Variants in CEP128 observed in about 807,000 individuals in gnomAD.
CEP128 encodes centrosomal protein 128kDa.
CEP128 carries 132 observed loss-of-function variants against 156.7 expected under a neutral mutation model. The observed-to-expected ratio is 0.84, with a 90% confidence interval of 0.73 to 0.97. The LOEUF is 0.97. Ranked by LOEUF, CEP128 falls within the 50% of genes least tolerant of loss-of-function variation. CEP128 has a pLI of 0.00. For missense variants in CEP128, 1,252 were observed against 1,281.9 expected (o/e 0.98, Z 0.36); for synonymous variants, 469 against 448.9 (o/e 1.04, Z -0.57).
At chr14:80,606,745 T>C (rs1178267641) in intron 19 of CEP128, among the ~76,000 whole-genome samples, 1 of 152,092 alleles carries the variant, frequency 6.6e-6, no homozygotes, top group Non-Finnish European at 1.5e-5. Flanking sequence ...TCTCAAACAA[T>C]GACCTCTTTT....
chr14:80,535,759 AAG>A (rs1412810825), intron 21 of CEP128, among the ~76,000 whole-genome samples: 1 of 152,216 alleles, frequency 6.6e-6, no homozygotes, highest in East Asian at 1.9e-4. Context: ...CCTGGCCACT[AAG>A]AGGTGTTTCA....
Position 80,617,219 on chromosome 14 carries a change from C to CTTTTTTTTTTTTTTTTTTTTTT in CEP128, c.2807-36818_2807-36797dup. ...ATCACTTAACCTATGTGAATATCAT[C>CTTTTTTTTTTTTTTTTTTTTTT]TTTTTTTTTTTTTTTTTTTTTTTTT... On this transcript the variant is annotated intron_variant, in intron 19 of 24. Coordinates refer to ENST00000555265, the MANE Select transcript of CEP128 (RefSeq NM_152446.5). 3.3e-5 allele frequency among the ~76,000 whole-genome samples: 2 copies of CTTTTTTTTTTTTTTTTTTTTTT among 60,226 alleles called. 1 individual carries two copies. Among genetic ancestry groups the CTTTTTTTTTTTTTTTTTTTTTT allele is most frequent in the African/African-American group, 1.3e-4 (2 of 15,476 alleles). 39.5% of individuals were successfully genotyped at this position (60,226 alleles called of 152,430 possible).
intron 19 of CEP128, among the ~76,000 whole-genome samples, chr14:80,678,055 T>C (rs1362217842): frequency 1.8e-5 from 1 of 55,690 alleles, no homozygotes; most frequent in Non-Finnish European, 6.5e-5. Flanking sequence ...AAAAAATATA[T>C]ATATATATGT....
chr14:80,484,330 T>C (rs982790192), intron 14 of CEP128, among the ~76,000 whole-genome samples: 2 of 152,196 alleles, frequency 1.3e-5, no homozygotes, highest in Non-Finnish European at 2.9e-5. Flanking sequence ...CTCTGGCTAC[T>C]AATTATAAAA....
At chr14:80,758,793 G>A (rs1225148375) in intron 17 of CEP128, among the ~76,000 whole-genome samples, 1 of 152,114 alleles carries the variant, frequency 6.6e-6, no homozygotes, top group East Asian at 1.9e-4. Context: ...CAAGATATTT[G>A]ACCCTATAAT....
intron 21 of CEP128, among the ~76,000 whole-genome samples, chr14:80,558,201 ATAT>A (rs1890517795): frequency 6.6e-6 from 1 of 152,046 alleles, no homozygotes; most frequent in East Asian, 1.9e-4. Context: ...TTTCCATTTA[ATAT>A]TATAAGCCTT....
chr14:80,578,429 T>C (rs894728276), intron 20 of CEP128, among the ~76,000 whole-genome samples: 27 of 152,194 alleles, frequency 1.8e-4, no homozygotes, highest in African/African-American at 6.5e-4. Context: ...GTAAATAAAA[T>C]TGACTCCAAT....
chr14:80,860,068 G>C (rs930388547), intron 9 of CEP128, among the ~76,000 whole-genome samples: 1 of 152,122 alleles, frequency 6.6e-6, no homozygotes, highest in Non-Finnish European at 1.5e-5. Context: ...GGAAAAAAAT[G>C]CATCAATTAC....
At chr14:80,947,826 C>A (rs1223223797) in intron 2 of CEP128, among the ~76,000 whole-genome samples, 1 of 152,184 alleles carries the variant, frequency 6.6e-6, no homozygotes, top group East Asian at 1.9e-4. Context: ...TGCCCGGCCT[C>A]CACTCAAGCA....
At chr14:80,778,824 C>T (rs886692248) in intron 15 of CEP128, among the ~76,000 whole-genome samples, 1 of 152,138 alleles carries the variant, frequency 6.6e-6, no homozygotes, top group Non-Finnish European at 1.5e-5. Flanking sequence ...ATAATGTAAA[C>T]ACTATGTGCC....
intron 6 of CEP128, among the ~76,000 whole-genome samples, chr14:80,900,508 C>T (rs993197708): frequency 5.3e-5 from 8 of 152,112 alleles, no homozygotes; most frequent in Non-Finnish European, 1.0e-4. Context: ...TTCTATCAGC[C>T]TATAATGCCT....
At chr14:80,822,442 A>T (rs1175195160) in intron 13 of CEP128, 2 of 490,702 alleles carry the variant, frequency 4.1e-6, no homozygotes, top group Non-Finnish European at 7.9e-6. Flanking sequence ...CAGTGTGAAG[A>T]AGAGGCGAGA....
intron 9 of CEP128, among the ~76,000 whole-genome samples, chr14:80,855,567 CA>C (rs913071747): frequency 9.4e-5 from 14 of 148,976 alleles, no homozygotes; most frequent in African/African-American, 3.0e-4. Context: ...GAGATGACTA[CA>C]AAAAAAAAGG....
intron 20 of CEP128, among the ~76,000 whole-genome samples, chr14:80,564,202 C>G (rs1265403152): frequency 6.6e-6 from 1 of 152,164 alleles, no homozygotes. Flanking sequence ...TTATGAAACA[C>G]CTAAATTGAC....
intron 21 of CEP128, among the ~76,000 whole-genome samples, chr14:80,542,225 T>G (rs1889796239): frequency 1.3e-5 from 2 of 152,212 alleles, no homozygotes; most frequent in Admixed American, 6.5e-5. Flanking sequence ...ACACTGCAAA[T>G]TCCTTAAAGG....
At chr14:80,489,416 A>G (rs985082922), downstream of CEP128, among the ~76,000 whole-genome samples, 2 of 152,052 alleles carry the variant, frequency 1.3e-5, no homozygotes, top group Admixed American at 6.6e-5. Context: ...AACACTCTCT[A>G]TGGGTTAACT....
chr14:80,743,546 G>A (rs1170153646), intron 18 of CEP128, among the ~76,000 whole-genome samples: 3 of 152,012 alleles, frequency 2.0e-5, no homozygotes, highest in African/African-American at 7.2e-5. Flanking sequence ...ATAATATTAT[G>A]GGTAATCCTC....
In CEP128 at chr14:80,905,183, C is replaced by T. The variant is rs552123899; in HGVS notation, c.362-252G>A. On this transcript the variant is annotated intron_variant, in intron 5 of 24. Transcript: ENST00000555265. ...CACTCAAAAGTTTCAATTTGTTATA[C>T]TCTCCAAGAAGCAACATATTTTCTC... Among the ~76,000 whole-genome samples, 9 of 75,630 alleles carry T rather than the reference C, an allele frequency of 1.2e-4. No homozygotes were observed. The East Asian group carries it at 3.4e-3, about 29-fold the overall frequency. The allele number at this position is 75,630 out of a possible 152,430, so 49.6% of individuals were successfully genotyped here. A position where few individuals can be genotyped will look rare whatever the true frequency, so the allele number is the denominator to read the frequency against.
intron 17 of CEP128, among the ~76,000 whole-genome samples, chr14:80,757,375 T>C (rs1419625583): frequency 6.6e-6 from 1 of 152,208 alleles, no homozygotes; most frequent in East Asian, 1.9e-4. Flanking sequence ...CATTTATCCT[T>C]CTTTAATTTA....
Sources: allele counts gnomAD v4.1 joint callset (sites outside exome capture counted in the v4.1 genomes callset), GRCh38; gene constraint gnomAD v4.1.1; transcripts MANE v1.5; gene names NCBI Gene and HGNC (gene_info 2026-07-23, HGNC 2026-07-21).